RGS12: variants seen among roughly 807,000 people sequenced by gnomAD.
RGS12 encodes regulator of G protein signaling 12, also known as regulator of G-protein signaling 12.
A neutral mutation model predicts 120.1 loss-of-function variants in RGS12; 66 were observed. That is an observed-to-expected ratio of 0.55 (90% confidence interval 0.45 to 0.67). The LOEUF is 0.67. Among genes scored for constraint, RGS12 ranks in the 30% least tolerant of loss-of-function variants. The pLI is 0.00. For missense variants in RGS12, 1,859 were observed against 1,957.7 expected (o/e 0.95, Z 0.95); for synonymous variants, 827 against 804.7 (o/e 1.03, Z -0.47).
intron 3 of RGS12, among the ~76,000 whole-genome samples, chr4:3,349,270 C>A (rs1057080497): frequency 1.3e-5 from 2 of 152,106 alleles, no homozygotes; most frequent in Non-Finnish European, 2.9e-5. Flanking sequence ...CAATATAGGC[C>A]TTCGATGACA....
intron 4 of RGS12, chr4:3,407,305 G>A (rs555294464): frequency 6.6e-6 from 1 of 152,374 alleles, no homozygotes; most frequent in East Asian, 1.9e-4. Flanking sequence ...GACGTCTCCT[G>A]TTGGCTTCCC....
chr4:3,329,017 C>A (rs891758479), intron 2 of RGS12, among the ~76,000 whole-genome samples: 1 of 152,156 alleles, frequency 6.6e-6, no homozygotes, highest in Non-Finnish European at 1.5e-5. Context: ...GGGAAGTTGT[C>A]AGGCCAAGAG....
At chr4:3,421,241 C>T (rs766717819) in intron 10 of RGS12, among the ~76,000 whole-genome samples, 3 of 152,136 alleles carry the variant, frequency 2.0e-5, no homozygotes, top group Non-Finnish European at 2.9e-5. Context: ...GATGAGCAGG[C>T]GCAGGCAGGA....
intron 4 of RGS12, among the ~76,000 whole-genome samples, chr4:3,402,663 G>A (rs1203206923): frequency 6.6e-6 from 1 of 152,174 alleles, no homozygotes; most frequent in African/African-American, 2.4e-5. Context: ...GGCGTCCTCT[G>A]CGTTGGGTGG....
intron 1 of RGS12, chr4:3,312,519 G>T: frequency 4.5e-6 from 1 of 223,536 alleles, no homozygotes; most frequent in South Asian, 8.1e-5. Context: ...AATATGAGTT[G>T]GCAAGGAAGA....
chr4:3,405,758 AG>A (rs1356541145), intron 4 of RGS12, among the ~76,000 whole-genome samples: 1 of 152,206 alleles, frequency 6.6e-6, no homozygotes, highest in Non-Finnish European at 1.5e-5. Context: ...GAACGTGTTT[AG>A]AGGAAGGGAG....
In RGS12 at chr4:3,420,600, A is replaced by C. The variant is rs746217718; in HGVS notation, c.2762-42A>C. 1.9e-6 allele frequency: 3 copies of C among 1,598,930 alleles called. No homozygotes were observed. In the African/African-American group the frequency reaches 4.0e-5, roughly 21 times the overall value. Reference sequence around the variant, plus strand: ...GGTTGGGAGATGTGACCGAATAAACAGGGTTCTGATTGACGTGAGTCACTG... The same window carrying C: ...GGTTGGGAGATGTGACCGAATAAACCGGGTTCTGATTGACGTGAGTCACTG... On this transcript the variant is annotated intron_variant, in intron 9 of 17. Transcript: ENST00000336727.
chr4:3,338,572 C>T lies in RGS12; in HGVS notation c.1882-4365C>T, dbSNP rs933832430. Among the ~76,000 whole-genome samples, 34 of 152,232 alleles carry T rather than the reference C, an allele frequency of 2.2e-4. 1 individual carries two copies. The highest frequency in any genetic ancestry group is 7.8e-4 in the Admixed American group (12 of 15,288). On this transcript the variant is annotated intron_variant, in intron 2 of 17. Transcript: ENST00000336727. ...ATTGGCCTGAGGCCCTTGGTTCTCC[C>T]TGAAGCCGGCTGGCTCAGGCTGGCT...
intron 1 of RGS12, chr4:3,314,845 G>C (rs1414382701): frequency 6.6e-6 from 1 of 152,252 alleles, no homozygotes; most frequent in Non-Finnish European, 1.5e-5. Context: ...AGACCATCCT[G>C]AGAGGCCTGT....
intron 3 of RGS12, among the ~76,000 whole-genome samples, chr4:3,368,131 G>T (rs565245468): frequency 6.6e-6 from 1 of 152,266 alleles, no homozygotes; most frequent in East Asian, 1.9e-4. Flanking sequence ...GGGGGCCCTG[G>T]GGGGCCAGGA....
intron 3 of RGS12, among the ~76,000 whole-genome samples, chr4:3,346,885 T>C (rs1379097481): frequency 6.6e-6 from 1 of 152,190 alleles, no homozygotes; most frequent in African/African-American, 2.4e-5. Flanking sequence ...CTAGGAACCC[T>C]TGAAGCAGGG....
chr4:3,439,758 G>A lies in RGS12; in HGVS notation c.*74G>A. On this transcript the variant is annotated 3_prime_UTR_variant, in exon 18 of 18. Coordinates refer to ENST00000336727, the MANE Select transcript of RGS12 (RefSeq NM_001394154.1). ...GCCCAGGTGGATTCTGTGGGCCTCA[G>A]GGGGGCCACCCTGGCCACCACACCC... The A allele has an allele frequency of 7.3e-7, 1 of 1,362,632 alleles. No individual in the cohort carries two copies. Among genetic ancestry groups the A allele is most frequent in the Non-Finnish European group, 9.7e-7 (1 of 1,026,666 alleles). 84.4% of individuals were successfully genotyped at this position (1,362,632 alleles called of 1,614,324 possible).
rs1248821986 is a variant in RGS12, at chr4:3,342,458, C to CT, written c.1882-478dup. ...AGTTGGTTGGGTCTTCAGACACCAG[C>CT]TGAATGCTTAGGGATTCTTTCATTT... On this transcript the variant is annotated intron_variant, in intron 2 of 17. Coordinates refer to ENST00000336727, the MANE Select transcript of RGS12 (RefSeq NM_001394154.1). The CT allele has an allele frequency of 2.3e-6, 3 of 1,286,818 alleles. No individual in the cohort carries two copies. In the Admixed American group the frequency reaches 6.9e-5, roughly 30 times the overall value. 79.7% of individuals were successfully genotyped at this position (1,286,818 alleles called of 1,614,324 possible).
chr4:3,419,794 C>T (rs970052352), intron 9 of RGS12, among the ~76,000 whole-genome samples: 2 of 152,206 alleles, frequency 1.3e-5, no homozygotes, highest in African/African-American at 4.8e-5. Context: ...GTACTCCAGC[C>T]TGGGGGACAC....
intron 3 of RGS12, among the ~76,000 whole-genome samples, chr4:3,380,387 C>A (rs1428958153): frequency 6.6e-6 from 1 of 152,194 alleles, no homozygotes; most frequent in Admixed American, 6.5e-5. Context: ...GGTGGATCTA[C>A]CATTTTGAGG....
chr4:3,302,203 C>T (rs1361506990), intron 1 of RGS12, among the ~76,000 whole-genome samples: 4 of 152,298 alleles, frequency 2.6e-5, no homozygotes, highest in South Asian at 2.1e-4. Flanking sequence ...TCAGCTGTGG[C>T]GCACGGGGGT....
At position 3,366,075 on chromosome 4, in the gene RGS12, A is replaced by C. The variant is rs1716270632; in HGVS notation, c.1999-20341A>C. Reference sequence around the variant, plus strand: ...GGCTGTGAGCAGCTGCAGGCCAGGCAGTGGTGGGACCTCATCTGGGGGGTG... The same window carrying C: ...GGCTGTGAGCAGCTGCAGGCCAGGCCGTGGTGGGACCTCATCTGGGGGGTG... On this transcript the variant is annotated intron_variant, in intron 3 of 17. Coordinates refer to ENST00000336727, the MANE Select transcript of RGS12 (RefSeq NM_001394154.1). The surrounding 1 kb of genome is among the most constrained non-coding windows in gnomAD (Gnocchi z 4.0). Among the ~76,000 whole-genome samples, 1 of 152,108 alleles carries C rather than the reference A, an allele frequency of 6.6e-6. No homozygotes were observed. Among genetic ancestry groups the C allele is most frequent in the Non-Finnish European group, 1.5e-5 (1 of 68,012 alleles).
intron 3 of RGS12, among the ~76,000 whole-genome samples, chr4:3,356,543 C>G (rs1245602540): frequency 6.6e-6 from 1 of 151,816 alleles, no homozygotes; most frequent in African/African-American, 2.4e-5. Context: ...TTCCCCCCAC[C>G]CCCAACCCCT....
chr4:3,402,766 A>G (rs1209872470), intron 4 of RGS12, among the ~76,000 whole-genome samples: 2 of 152,252 alleles, frequency 1.3e-5, no homozygotes, highest in African/African-American at 4.8e-5. Flanking sequence ...TTTACAAAGT[A>G]TAAATATTTT....
Sources: gnomAD v4.1 joint callset for allele counts (sites outside exome capture counted in the v4.1 genomes callset) on GRCh38, gnomAD v4.1.1 for gene constraint, Gnocchi (gnomAD v3.1) non-coding constraint, MANE v1.5 for transcripts, NCBI Gene and HGNC (gene_info 2026-07-23, HGNC 2026-07-21) for gene names.